PLXDC2: variants seen among roughly 807,000 people sequenced by gnomAD.
The protein encoded by PLXDC2 is plexin domain-containing protein 2.
Under a neutral mutation model 68.9 loss-of-function variants are expected in PLXDC2, and 40 were observed. The ratio of observed to expected loss-of-function variants is 0.58; its 90% CI spans 0.45 to 0.76. The LOEUF (loss-of-function observed/expected upper bound fraction) is 0.76, where lower values mean the gene tolerates loss of function less well. Among genes scored for constraint, PLXDC2 ranks in the 30% least tolerant of loss-of-function variants. The pLI, the probability that PLXDC2 is intolerant of heterozygous loss-of-function variation, is 0.00. For synonymous variants in PLXDC2, 243 were observed against 234.2 expected (o/e 1.04, Z -0.34); for missense variants, 644 against 661.9 (o/e 0.97, Z 0.30).
At chr10:20,146,737 T>A (rs1834086737) in intron 5 of PLXDC2, among the ~76,000 whole-genome samples, 1 of 152,162 alleles carries the variant, frequency 6.6e-6, no homozygotes, top group African/African-American at 2.4e-5. Flanking sequence ...CAATTGGGTG[T>A]TCAAAATATT....
intron 1 of PLXDC2, among the ~76,000 whole-genome samples, chr10:19,988,057 G>A (rs1235543328): frequency 6.6e-6 from 1 of 152,016 alleles, no homozygotes; most frequent in African/African-American, 2.4e-5. Context: ...TGTTAGTCAT[G>A]AATAAATGTA....
At chr10:20,093,531 C>T (rs952357381) in intron 4 of PLXDC2, among the ~76,000 whole-genome samples, 3 of 152,104 alleles carry the variant, frequency 2.0e-5, no homozygotes, top group Non-Finnish European at 2.9e-5. Flanking sequence ...CTCACTTATG[C>T]TCTACCAAGT....
chr10:19,987,858 G>A (rs1482387974), intron 1 of PLXDC2, among the ~76,000 whole-genome samples: 3 of 152,070 alleles, frequency 2.0e-5, no homozygotes, highest in East Asian at 1.9e-4. Flanking sequence ...GTGAGCTACC[G>A]CGCCCAGCCG....
chr10:19,864,429 C>T (rs534490792), intron 1 of PLXDC2, among the ~76,000 whole-genome samples: 1 of 152,146 alleles, frequency 6.6e-6, no homozygotes, highest in African/African-American at 2.4e-5. Context: ...CTTGGAAAGC[C>T]TATTTTGTCT....
intron 1 of PLXDC2, among the ~76,000 whole-genome samples, chr10:19,847,987 C>T (rs1007785564): frequency 2.6e-5 from 4 of 152,062 alleles, no homozygotes; most frequent in Admixed American, 6.6e-5. Context: ...AGTGTTAGAA[C>T]AAAATAGTCC....
chr10:20,003,428 ATGTT>A (rs60598198), intron 2 of PLXDC2, among the ~76,000 whole-genome samples: 5 of 151,756 alleles, frequency 3.3e-5, no homozygotes, highest in Admixed American at 6.6e-5. Flanking sequence ...TAGAAACAGC[ATGTT>A]TGTTTGTTTG....
chr10:20,273,850 T>C (rs1332479366), intron 13 of PLXDC2, among the ~76,000 whole-genome samples: 1 of 152,078 alleles, frequency 6.6e-6, no homozygotes, highest in Admixed American at 6.6e-5. Context: ...AACCTGTCTC[T>C]ACTAAATAAA....
intron 4 of PLXDC2, among the ~76,000 whole-genome samples, chr10:20,141,958 AT>A (rs1220715788): frequency 5.9e-5 from 9 of 152,028 alleles, no homozygotes; most frequent in African/African-American, 2.2e-4. Context: ...ACAGTTAAAA[AT>A]TTTTTTAGAT....
chr10:20,173,083 T>C (rs1357876115), intron 7 of PLXDC2, among the ~76,000 whole-genome samples: 1 of 152,204 alleles, frequency 6.6e-6, no homozygotes, highest in East Asian at 1.9e-4. Context: ...GTGTCATTTG[T>C]ATCTCAAGAG....
chr10:19,966,899 C>G (rs1319569054), intron 1 of PLXDC2, among the ~76,000 whole-genome samples: 1 of 152,184 alleles, frequency 6.6e-6, no homozygotes, highest in African/African-American at 2.4e-5. Context: ...CTCCCAGGAC[C>G]TAGCAGTGTG....
intron 12 of PLXDC2, among the ~76,000 whole-genome samples, chr10:20,223,401 C>T (rs1372622501): frequency 6.6e-6 from 1 of 150,682 alleles, no homozygotes; most frequent in African/African-American, 2.4e-5. Context: ...CAGCCTCTGC[C>T]TCCTGGGTTC....
At chr10:19,920,370 C>T (rs1348756752) in intron 1 of PLXDC2, among the ~76,000 whole-genome samples, 1 of 152,242 alleles carries the variant, frequency 6.6e-6, no homozygotes, top group Non-Finnish European at 1.5e-5. Flanking sequence ...CACCCCCATC[C>T]TGTGCCTATA....
chr10:20,040,689 A>G (rs1047066127), intron 2 of PLXDC2, among the ~76,000 whole-genome samples: 2 of 152,108 alleles, frequency 1.3e-5, no homozygotes, highest in African/African-American at 2.4e-5. Context: ...TAAAGATCCT[A>G]TCCCCTCCCT....
At chr10:19,948,396 T>C (rs1006313612) in intron 1 of PLXDC2, among the ~76,000 whole-genome samples, 3 of 151,406 alleles carry the variant, frequency 2.0e-5, no homozygotes, top group Admixed American at 6.6e-5. Context: ...CTTTCTTTTT[T>C]TTTTTTTTTT....
intron 13 of PLXDC2, among the ~76,000 whole-genome samples, chr10:20,257,993 CTTTCTTTTTTTTT>C (rs1462973304): frequency 1.1e-5 from 1 of 93,074 alleles, no homozygotes; most frequent in Admixed American, 1.2e-4. Context: ...TCTTTTTTTT[CTTTCTTTTTTTTT>C]TTTTTTTTTT....
At chr10:20,022,121 C>T (rs1835321786) in intron 2 of PLXDC2, among the ~76,000 whole-genome samples, 2 of 152,322 alleles carry the variant, frequency 1.3e-5, no homozygotes, top group Non-Finnish European at 2.9e-5. Flanking sequence ...CTCGGATTCT[C>T]CTCTATATAT....
intron 1 of PLXDC2, among the ~76,000 whole-genome samples, chr10:19,885,846 TG>T (rs1297313988): frequency 6.6e-6 from 1 of 152,184 alleles, no homozygotes; most frequent in Non-Finnish European, 1.5e-5. Context: ...GGCTCTTTTT[TG>T]GTTCCATATG....
chr10:19,891,440 T>C (rs1214293013), intron 1 of PLXDC2, among the ~76,000 whole-genome samples: 1 of 152,206 alleles, frequency 6.6e-6, no homozygotes, highest in Non-Finnish European at 1.5e-5. Context: ...GTAATTACCA[T>C]TCACATCTAT....
chr10:20,097,923 ATTAT>A (rs1833372956), intron 4 of PLXDC2, among the ~76,000 whole-genome samples: 1 of 148,476 alleles, frequency 6.7e-6, no homozygotes, highest in Admixed American at 6.8e-5. Flanking sequence ...ATAGCATTAT[ATTAT>A]TTATAGTATT....
Sources: allele counts gnomAD v4.1 joint callset (sites outside exome capture counted in the v4.1 genomes callset), GRCh38; gene constraint gnomAD v4.1.1; transcripts MANE v1.5; gene names NCBI Gene and HGNC (gene_info 2026-07-23, HGNC 2026-07-21).